SEMA3A: variants seen among roughly 807,000 people sequenced by gnomAD.
SEMA3A encodes semaphorin-3A.
SEMA3A carries 29 observed loss-of-function variants against 97.9 expected under a neutral mutation model. The ratio of observed to expected loss-of-function variants is 0.30; its 90% CI spans 0.22 to 0.40. The LOEUF is 0.40. Among genes scored for constraint, SEMA3A ranks in the 10% least tolerant of loss-of-function variants. The probability of loss-of-function intolerance (pLI) is 1.00; values close to 1 mark genes in which losing one functional copy is unlikely to be tolerated. For synonymous variants in SEMA3A, 321 were observed against 323.7 expected (o/e 0.99, Z 0.09); for missense variants, 763 against 951.3 (o/e 0.80, Z 2.60).
intron 1 of SEMA3A, among the ~76,000 whole-genome samples, chr7:84,433,381 C>A (rs1012589426): frequency 6.6e-6 from 1 of 152,056 alleles, no homozygotes. Context: ...CCAGCATCAT[C>A]CATGTCCCTG....
chr7:84,387,104 G>C (rs1310764948), intron 1 of SEMA3A, among the ~76,000 whole-genome samples: 1 of 152,074 alleles, frequency 6.6e-6, no homozygotes, highest in Admixed American at 6.6e-5. Flanking sequence ...TAAACTACCA[G>C]ACATCTATTC....
chr7:84,067,482 G>T lies in SEMA3A; in HGVS notation c.454-6924C>A, dbSNP rs1793562893. 2.7e-5 allele frequency among the ~76,000 whole-genome samples: 4 copies of T among 150,872 alleles called. No homozygotes were observed. In the South Asian group the frequency reaches 8.3e-4, roughly 31 times the overall value. On this transcript the variant is annotated intron_variant, in intron 4 of 16. Coordinates refer to ENST00000265362, the MANE Select transcript of SEMA3A (RefSeq NM_006080.3). ...AAAGAAACTACCATCAGAGTGAACA[G>T]GCAACCTACAAAATGGGAGAAAATT...
At chr7:84,443,189 C>A (rs1288139719) in intron 1 of SEMA3A, among the ~76,000 whole-genome samples, 1 of 152,018 alleles carries the variant, frequency 6.6e-6, no homozygotes. Flanking sequence ...TTCTTAAGTG[C>A]ACATGGAATA....
intron 4 of SEMA3A, among the ~76,000 whole-genome samples, chr7:84,061,057 A>G (rs1793197342): frequency 6.6e-6 from 1 of 152,142 alleles, no homozygotes; most frequent in African/African-American, 2.4e-5. Context: ...TTTCCCCACT[A>G]TGTCCTTTGC....
intron 4 of SEMA3A, among the ~76,000 whole-genome samples, chr7:84,080,254 A>AT: frequency 6.7e-6 from 1 of 148,878 alleles, no homozygotes; most frequent in Non-Finnish European, 1.5e-5. Context: ...CTAATGCTGA[A>AT]TGATGAGTTA....
At chr7:84,286,387 C>T (rs556084068) in intron 3 of SEMA3A, among the ~76,000 whole-genome samples, 3 of 152,140 alleles carry the variant, frequency 2.0e-5, no homozygotes, top group East Asian at 3.9e-4. Flanking sequence ...TGAAATATGA[C>T]GCCATCCTTT....
At chr7:84,139,167 C>T (rs542065506) in intron 1 of SEMA3A, among the ~76,000 whole-genome samples, 1 of 152,192 alleles carries the variant, frequency 6.6e-6, no homozygotes, top group South Asian at 2.1e-4. Flanking sequence ...CTTCCACCTT[C>T]TTACATCTTG....
In SEMA3A at chr7:84,472,591, T is replaced by C. The variant is rs544994342; in HGVS notation, c.-246+19869A>G. ...CATTTCTATCAGATACAATGTTCAATGTTTGTCAAATTTCAAAACACCTTT... is the reference window on the plus strand; with the variant it reads ...CATTTCTATCAGATACAATGTTCAACGTTTGTCAAATTTCAAAACACCTTT... On this transcript the variant is annotated intron_variant, in intron 1 of 3. Coordinates refer to the SEMA3A transcript ENST00000424555. Among the ~76,000 whole-genome samples, 171 of 152,330 alleles carry C rather than the reference T, an allele frequency of 1.1e-3. 1 individual carries two copies. The highest frequency in any genetic ancestry group is 3.9e-3 in the African/African-American group (163 of 41,574).
chr7:83,984,561 T>G (rs1175216834), intron 13 of SEMA3A, among the ~76,000 whole-genome samples: 1 of 149,958 alleles, frequency 6.7e-6, no homozygotes, highest in Non-Finnish European at 1.5e-5. Flanking sequence ...ATATAAGTTT[T>G]TACTCTAGTA....
chr7:84,440,305 A>G (rs974582976), intron 1 of SEMA3A, among the ~76,000 whole-genome samples: 7 of 152,144 alleles, frequency 4.6e-5, no homozygotes, highest in African/African-American at 1.4e-4. Context: ...GTAGCTACCA[A>G]TCTTCCACCC....
chr7:84,328,201 A>T (rs907752384), intron 2 of SEMA3A, among the ~76,000 whole-genome samples: 1 of 152,004 alleles, frequency 6.6e-6, no homozygotes, highest in African/African-American at 2.4e-5. Context: ...TGAGGACTGG[A>T]AATTGGAGAA....
At chr7:84,248,800 C>A (rs1799533099) in intron 3 of SEMA3A, among the ~76,000 whole-genome samples, 1 of 146,140 alleles carries the variant, frequency 6.8e-6, no homozygotes, top group Admixed American at 6.8e-5. Context: ...AGGGTCTGTA[C>A]CTAGGAGAGA....
intron 12 of SEMA3A, among the ~76,000 whole-genome samples, chr7:83,988,429 A>C (rs1292139640): frequency 6.6e-6 from 1 of 151,690 alleles, no homozygotes; most frequent in South Asian, 2.1e-4. Context: ...GGGTTTCACC[A>C]TGTGTTAGCC....
chr7:84,359,503 T>C (rs1802656014), intron 2 of SEMA3A, among the ~76,000 whole-genome samples: 1 of 152,086 alleles, frequency 6.6e-6, no homozygotes, highest in African/African-American at 2.4e-5. Context: ...TTGATCATGG[T>C]GGATAAGCTT....
intron 3 of SEMA3A, among the ~76,000 whole-genome samples, chr7:84,112,933 T>C (rs1435328298): frequency 6.6e-6 from 1 of 152,188 alleles, no homozygotes; most frequent in Admixed American, 6.5e-5. Context: ...TCTGTCTGTG[T>C]TACAAAGCAA....
intron 6 of SEMA3A, among the ~76,000 whole-genome samples, chr7:84,026,618 G>A (rs936231262): frequency 5.3e-5 from 8 of 152,096 alleles, no homozygotes; most frequent in African/African-American, 1.9e-4. Context: ...ATGACAGACT[G>A]AATTTAAAAA....
intron 4 of SEMA3A, among the ~76,000 whole-genome samples, chr7:84,086,614 A>G (rs886159893): frequency 1.1e-5 from 1 of 90,856 alleles, no homozygotes; most frequent in Admixed American, 1.0e-4. Flanking sequence ...AATCCTCACA[A>G]TTCTCACAAA....
In SEMA3A at chr7:84,213,166, G is replaced by A. The variant is rs565918701; in HGVS notation, c.-82-18498C>T. ...CTAATGTTGTATTTTTAGTAGAGAT[G>A]GTGTTTCTCCATGTTGGTCAGGCTG... On this transcript the variant is annotated intron_variant, in intron 3 of 3. Coordinates refer to the SEMA3A transcript ENST00000424555. Among the ~76,000 whole-genome samples the A allele has an allele frequency of 1.2e-4, 18 of 151,806 alleles. No individual in the cohort carries two copies. The South Asian group carries it at 2.9e-3, about 25-fold the overall frequency.
At chr7:84,018,887 A>G (rs1791204985) in intron 6 of SEMA3A, among the ~76,000 whole-genome samples, 1 of 152,144 alleles carries the variant, frequency 6.6e-6, no homozygotes, top group Admixed American at 6.6e-5. Context: ...TCAGAAGATC[A>G]CTCCTGCTGC....
Sources: allele counts gnomAD v4.1 joint callset (sites outside exome capture counted in the v4.1 genomes callset), GRCh38; gene constraint gnomAD v4.1.1; transcripts MANE v1.5; gene names NCBI Gene and HGNC (gene_info 2026-07-23, HGNC 2026-07-21).